The following LTBP1 variants were observed in gnomAD, a reference collection of about 807,000 sequenced individuals.
LTBP1 encodes the protein latent-transforming growth factor beta-binding protein 1.
In LTBP1, 129 loss-of-function variants were observed where a neutral mutation model predicts 207.6. The ratio of observed to expected loss-of-function variants is 0.62; its 90% CI spans 0.54 to 0.72. The LOEUF (loss-of-function observed/expected upper bound fraction) is 0.72. Ranked by LOEUF, LTBP1 falls within the 30% of genes least tolerant of loss-of-function variation. The probability of loss-of-function intolerance (pLI) is 0.00; values close to 1 mark genes in which losing one functional copy is unlikely to be tolerated. For missense variants in LTBP1, 2,281 were observed against 2,217.2 expected (o/e 1.03, Z -0.58); for synonymous variants, 963 against 833.7 (o/e 1.16, Z -2.67).
rs772174145 is a variant in LTBP1 at position 32,947,746 on chromosome 2, C to T, written c.422C>T (p.Ser141Phe). ...FTKQGRQVVR[S>F]KVPQETQSGG... The stretch of plus-strand genomic sequence containing the variant: ...AAACAAGGCAGGCAAGTTGTGCGCT[C>T]CAAGGTGCCGCAGGAGACCCAGAGC... Residue 141 changes from serine to phenylalanine, a missense_variant, in exon 1 of 34, where the codon TCC becomes TTC. By Grantham distance (155) the Ser-to-Phe change is radical. This residue lies in a region of LTBP1 where 555 missense variants were observed against 491.0 expected (regional missense o/e 1.13). Coordinates refer to ENST00000404816, the MANE Select transcript of LTBP1 (RefSeq NM_206943.4). 2 of 1,536,462 alleles carry T rather than the reference C, an allele frequency of 1.3e-6. No individual in the cohort carries two copies. The highest frequency in any genetic ancestry group is 1.4e-5 in the African/African-American group (1 of 70,112).
At chr2:33,125,920 C>CTCA (rs1342995811) in intron 4 of LTBP1, among the ~76,000 whole-genome samples, 1 of 151,960 alleles carries the variant, frequency 6.6e-6, no homozygotes, top group African/African-American at 2.4e-5. Context: ...TTAGAGGGAC[C>CTCA]TCAGTTGGTT....
intron 3 of LTBP1, chr2:33,056,223 G>A (rs1209779353): frequency 2.9e-6 from 1 of 349,050 alleles, no homozygotes; most frequent in Non-Finnish European, 5.3e-6. Flanking sequence ...TTTGTGGGTC[G>A]AATTGGTCCC....
intron 24 of LTBP1, among the ~76,000 whole-genome samples, chr2:33,330,780 T>C (rs1239861289): frequency 6.6e-6 from 1 of 150,718 alleles, no homozygotes; most frequent in African/African-American, 2.4e-5. Flanking sequence ...TTTTGCTTTG[T>C]TCTTCCGGAC....
intron 3 of LTBP1, among the ~76,000 whole-genome samples, chr2:33,070,648 C>T (rs577101173): frequency 1.3e-5 from 2 of 152,352 alleles, no homozygotes; most frequent in South Asian, 4.1e-4. Flanking sequence ...CTATTCCATT[C>T]TTTGCTGCTT....
At chr2:33,370,583 G>A (rs2095055896) in intron 31 of LTBP1, among the ~76,000 whole-genome samples, 1 of 152,188 alleles carries the variant, frequency 6.6e-6, no homozygotes. Flanking sequence ...GTTAATGCTG[G>A]TAGTTATCTA....
At chr2:33,337,305 C>T in intron 24 of LTBP1, among the ~76,000 whole-genome samples, 1 of 152,034 alleles carries the variant, frequency 6.6e-6, no homozygotes, top group Non-Finnish European at 1.5e-5. Flanking sequence ...AATGGATCTG[C>T]CAAGTAGATC....
At chr2:33,205,510 C>T (rs965367482) in intron 7 of LTBP1, among the ~76,000 whole-genome samples, 1 of 152,190 alleles carries the variant, frequency 6.6e-6, no homozygotes, top group Non-Finnish European at 1.5e-5. Flanking sequence ...GAGCAGAGGA[C>T]TCTGCTCTGC....
intron 3 of LTBP1, among the ~76,000 whole-genome samples, chr2:33,056,176 G>T (rs568980569): frequency 2.0e-5 from 3 of 151,926 alleles, no homozygotes; most frequent in African/African-American, 7.2e-5. Context: ...GGGCCAAGCC[G>T]TAGCGCAGAA....
At chr2:33,101,600 A>G (rs1483404658) in intron 3 of LTBP1, among the ~76,000 whole-genome samples, 1 of 152,240 alleles carries the variant, frequency 6.6e-6, no homozygotes, top group Non-Finnish European at 1.5e-5. Context: ...GAATTCAGTT[A>G]AAAAGTCTCG....
chr2:33,397,204 T>C lies in LTBP1; in HGVS notation c.4906T>C (p.Cys1636Arg), dbSNP rs1450062973. The part of the protein sequence containing the change: ...GILNGCENGR[C>R]VRVQEGYTCD... ...CCTCAATGGATGTGAAAATGGTCGC[T>C]GTGTGAGGGTCCAGGAAGGTTACAC... Residue 1636 changes from cysteine to arginine, a missense_variant, in exon 33 of 34, where the codon TGT becomes CGT. By Grantham distance (180) the Cys-to-Arg change is radical (BLOSUM62 -3). Coordinates refer to ENST00000404816, the MANE Select transcript of LTBP1 (RefSeq NM_206943.4). The C allele has an allele frequency of 1.9e-6, 3 of 1,614,066 alleles. No individual in the cohort carries two copies. Among genetic ancestry groups the C allele is most frequent in the East Asian group, 4.5e-5 (2 of 44,892 alleles).
At chr2:33,152,865 A>G (rs1400463078) in intron 5 of LTBP1, among the ~76,000 whole-genome samples, 2 of 152,226 alleles carry the variant, frequency 1.3e-5, no homozygotes, top group Non-Finnish European at 2.9e-5. Flanking sequence ...CATTATCTCT[A>G]GCTGATAATT....
intron 9 of LTBP1, among the ~76,000 whole-genome samples, chr2:33,243,274 C>G (rs558151766): frequency 7.9e-5 from 12 of 152,280 alleles, no homozygotes; most frequent in Admixed American, 4.6e-4. Context: ...CTGCTTTTCA[C>G]TTCTTAAGTT....
intron 5 of LTBP1, among the ~76,000 whole-genome samples, chr2:33,170,498 C>T (rs542193739): frequency 7.4e-4 from 112 of 152,330 alleles, no homozygotes; most frequent in Admixed American, 1.2e-3. Context: ...ACACAGCAGC[C>T]TGGAAGCTCG....
At chr2:33,371,895 G>A (rs1488831112) in intron 31 of LTBP1, among the ~76,000 whole-genome samples, 1 of 152,232 alleles carries the variant, frequency 6.6e-6, no homozygotes, top group East Asian at 1.9e-4. Flanking sequence ...GTAGTGTGAT[G>A]AAATCTGGTG....
intron 2 of LTBP1, among the ~76,000 whole-genome samples, chr2:33,019,372 T>C (rs1450569550): frequency 1.4e-5 from 2 of 144,234 alleles, no homozygotes; most frequent in South Asian, 4.8e-4. Context: ...AGTTTCCCTC[T>C]GTCATCCAGG....
chr2:33,210,023 A>G (rs2090186430), intron 7 of LTBP1, among the ~76,000 whole-genome samples: 1 of 152,242 alleles, frequency 6.6e-6, no homozygotes. Context: ...TCTATTTTCA[A>G]AAGCTGCCCT....
intron 23 of LTBP1, among the ~76,000 whole-genome samples, chr2:33,310,627 T>C (rs1283649426): frequency 3.9e-5 from 6 of 152,206 alleles, no homozygotes; most frequent in African/African-American, 1.4e-4. Context: ...CCCACTACTC[T>C]TCCCTACATT....
intron 4 of LTBP1, among the ~76,000 whole-genome samples, chr2:33,114,821 T>A (rs187549429): frequency 8.5e-5 from 13 of 152,270 alleles, no homozygotes; most frequent in African/African-American, 2.9e-4. Context: ...AGTATCACAT[T>A]AAGATACTGC....
At position 33,379,196 on chromosome 2, in the gene LTBP1, C is replaced by CT. The variant is rs550839552; in HGVS notation, c.4712-9965dup. Among the ~76,000 whole-genome samples, 768 of 108,552 alleles carry CT rather than the reference C, an allele frequency of 7.1e-3. 6 individuals are homozygous for CT. The highest frequency in any genetic ancestry group is 0.013 in the East Asian group (45 of 3,398). 71.2% of individuals were successfully genotyped at this position (108,552 alleles called of 152,430 possible). A position where few individuals can be genotyped will look rare whatever the true frequency, so the allele number is the denominator to read the frequency against. ...AAAGTAATTTCAGTTTTTGCCATTG[C>CT]TTTTTTTTTTTTTTTTTTTTTTTCT... is the stretch of plus-strand genomic sequence containing the variant. On this transcript the variant is annotated intron_variant, in intron 31 of 33. Transcript: ENST00000404816.
Sources: allele counts gnomAD v4.1 joint callset (sites outside exome capture counted in the v4.1 genomes callset), GRCh38; gene constraint gnomAD v4.1.1; regional missense constraint gnomAD v4.1.1; transcripts MANE v1.5; gene names NCBI Gene and HGNC (gene_info 2026-07-23, HGNC 2026-07-21).